The following LNX1 variants were observed in gnomAD, a reference collection of about 807,000 sequenced individuals.
LNX1 encodes ligand of numb-protein X 1, also known as E3 ubiquitin-protein ligase LNX.
In LNX1, 54 loss-of-function variants were observed where a neutral mutation model predicts 68.4. The observed-to-expected ratio is 0.79, with a 90% CI of 0.63 to 0.99. LNX1 has a LOEUF of 0.99. LNX1 is among the 50% of genes least tolerant of loss of function. LNX1 has a pLI of 0.00. For synonymous variants in LNX1, 336 were observed against 350.0 expected (o/e 0.96, Z 0.45); for missense variants, 906 against 926.4 (o/e 0.98, Z 0.29).
chr4:53,535,278 G>C (rs537363906), intron 2 of LNX1, among the ~76,000 whole-genome samples: 193 of 152,292 alleles, frequency 1.3e-3, no homozygotes, highest in African/African-American at 4.5e-3. Context: ...TGTTTTGGAT[G>C]CTTAAGCCAT....
At chr4:53,601,269 T>C (rs1199934815) in intron 2 of LNX1, among the ~76,000 whole-genome samples, 1 of 152,152 alleles carries the variant, frequency 6.6e-6, no homozygotes, top group Non-Finnish European at 1.5e-5. Flanking sequence ...TGAGTCTTTG[T>C]CCATATCAGT....
chr4:53,527,677 C>T (rs1393916560), intron 2 of LNX1, among the ~76,000 whole-genome samples: 1 of 152,204 alleles, frequency 6.6e-6, no homozygotes, highest in East Asian at 1.9e-4. Flanking sequence ...CTGAACTTTG[C>T]ACCCTCACTG....
chr4:53,610,956 A>G (rs1249708053), intron 2 of LNX1, among the ~76,000 whole-genome samples: 1 of 152,060 alleles, frequency 6.6e-6, no homozygotes, highest in Non-Finnish European at 1.5e-5. Context: ...GAAAGCAGAA[A>G]GAAGACTATA....
chr4:53,614,459 C>T (rs1394605640), intron 2 of LNX1, among the ~76,000 whole-genome samples: 1 of 152,164 alleles, frequency 6.6e-6, no homozygotes, highest in Admixed American at 6.5e-5. Flanking sequence ...AGTGAAGTGA[C>T]CCCCACACTA....
At chr4:53,636,746 A>G (rs1734494658) in intron 1 of LNX1, among the ~76,000 whole-genome samples, 1 of 152,082 alleles carries the variant, frequency 6.6e-6, no homozygotes, top group Non-Finnish European at 1.5e-5. Flanking sequence ...CTCCCTTTTC[A>G]TCTTACACAC....
At chr4:53,566,533 G>A (rs1265816885) in intron 2 of LNX1, among the ~76,000 whole-genome samples, 104 of 149,568 alleles carry the variant, frequency 7.0e-4, no homozygotes, top group Admixed American at 1.2e-3. Context: ...GGTACCAGCC[G>A]CTGCAAAATC....
chr4:53,634,697 G>A (rs1734401675), intron 1 of LNX1, among the ~76,000 whole-genome samples: 1 of 152,134 alleles, frequency 6.6e-6, no homozygotes, highest in African/African-American at 2.4e-5. Flanking sequence ...CAGCCTCACA[G>A]TTGAATGTAG....
intron 1 of LNX1, among the ~76,000 whole-genome samples, chr4:53,625,413 A>T (rs2572293): frequency 0.33 from 50,293 of 152,108 alleles, 8,675 homozygotes; most frequent in Admixed American, 0.38. Flanking sequence ...AAGGATTTGA[A>T]TAGATATTAA....
chr4:53,589,965 T>C (rs566889903), intron 1 of LNX1, among the ~76,000 whole-genome samples: 14 of 152,338 alleles, frequency 9.2e-5, no homozygotes, highest in Admixed American at 6.5e-5. Flanking sequence ...TAATCAACCA[T>C]GGTAAACCAG....
At chr4:53,532,463 A>G (rs1252836196) in intron 2 of LNX1, among the ~76,000 whole-genome samples, 1 of 152,052 alleles carries the variant, frequency 6.6e-6, no homozygotes, top group East Asian at 1.9e-4. Flanking sequence ...AAATAAATAT[A>G]TGAATAAATA....
At chr4:53,580,543 G>C (rs758165542) in intron 1 of LNX1, among the ~76,000 whole-genome samples, 1 of 152,198 alleles carries the variant, frequency 6.6e-6, no homozygotes, top group Non-Finnish European at 1.5e-5. Context: ...GGAGTGGGTA[G>C]AGGAGGAGAC....
At chr4:53,538,750 C>T (rs539739570) in intron 2 of LNX1, among the ~76,000 whole-genome samples, 18 of 152,218 alleles carry the variant, frequency 1.2e-4, no homozygotes, top group Non-Finnish European at 2.4e-4. Context: ...CACAAAGATT[C>T]GAAATGCAGC....
At chr4:53,588,205 C>T (rs1732294218) in intron 1 of LNX1, among the ~76,000 whole-genome samples, 1 of 152,104 alleles carries the variant, frequency 6.6e-6, no homozygotes, top group African/African-American at 2.4e-5. Context: ...GCTGATGAAA[C>T]CAAAGCAAAG....
chr4:53,611,705 C>T (rs1222978930), intron 2 of LNX1, among the ~76,000 whole-genome samples: 2 of 152,116 alleles, frequency 1.3e-5, no homozygotes, highest in Non-Finnish European at 2.9e-5. Context: ...CAGTGTCCTA[C>T]TGGATCTCAA....
chr4:53,570,799 G>A (rs573030933), intron 2 of LNX1, among the ~76,000 whole-genome samples: 274 of 151,042 alleles, frequency 1.8e-3, no homozygotes, highest in Middle Eastern at 6.8e-3. Context: ...AGGCTGAGGC[G>A]GGCGGATCAC....
chr4:53,559,008 T>C (rs1730105476), intron 2 of LNX1, among the ~76,000 whole-genome samples: 1 of 152,126 alleles, frequency 6.6e-6, no homozygotes, highest in Admixed American at 6.5e-5. Context: ...TACCCCATAT[T>C]CAAGAAGATT....
chr4:53,608,212 T>C (rs1733309571), intron 2 of LNX1, among the ~76,000 whole-genome samples: 1 of 152,194 alleles, frequency 6.6e-6, no homozygotes, highest in Non-Finnish European at 1.5e-5. Flanking sequence ...ATTTGTAAAC[T>C]GTGCATCCTA....
intron 9 of LNX1, among the ~76,000 whole-genome samples, chr4:53,467,351 C>T (rs180835567): frequency 6.6e-6 from 1 of 152,242 alleles, no homozygotes; most frequent in African/African-American, 2.4e-5. Flanking sequence ...ACGTCACCAT[C>T]ATCAAAGACC....
At chr4:53,563,348 G>T (rs1344302508) in intron 2 of LNX1, among the ~76,000 whole-genome samples, 1 of 152,194 alleles carries the variant, frequency 6.6e-6, no homozygotes, top group African/African-American at 2.4e-5. Context: ...CAGCCTGGAG[G>T]CCTCACAGAG....
Sources: gnomAD v4.1 joint callset for allele counts (sites outside exome capture counted in the v4.1 genomes callset) on GRCh38, gnomAD v4.1.1 for gene constraint, MANE v1.5 for transcripts, NCBI Gene and HGNC (gene_info 2026-07-23, HGNC 2026-07-21) for gene names.